PPFIBP2: variants seen among roughly 807,000 people sequenced by gnomAD.
PPFIBP2 encodes the protein PPFIB scaffold protein 2, also known as liprin-beta-2.
A neutral mutation model predicts 118.3 loss-of-function variants in PPFIBP2; 118 were observed. That is an observed-to-expected ratio of 1.00 (90% CI 0.86 to 1.16). The LOEUF (loss-of-function observed/expected upper bound fraction) is 1.16. Ranked by LOEUF, PPFIBP2 falls within the 50% of genes most tolerant of loss-of-function variation. PPFIBP2 has a pLI of 0.00. For synonymous variants in PPFIBP2, 414 were observed against 397.4 expected (o/e 1.04, Z -0.50); for missense variants, 1,195 against 1,073.1 (o/e 1.11, Z -1.59).
intron 17 of PPFIBP2, among the ~76,000 whole-genome samples, chr11:7,643,626 G>A (rs117711814): frequency 0.017 from 2,525 of 152,310 alleles, 33 homozygotes; most frequent in Non-Finnish European, 0.027. Flanking sequence ...GAATTTGCTC[G>A]TGGAAAAGAA....
chr11:7,645,865 T>A (rs1852979597), intron 17 of PPFIBP2, among the ~76,000 whole-genome samples: 1 of 152,046 alleles, frequency 6.6e-6, no homozygotes, highest in Non-Finnish European at 1.5e-5. Flanking sequence ...AAAAAAGAAC[T>A]GAAATGTCCC....
chr11:7,536,162 T>C (rs1590150100), intron 1 of PPFIBP2, among the ~76,000 whole-genome samples: 1 of 152,070 alleles, frequency 6.6e-6, no homozygotes, highest in South Asian at 2.1e-4. Flanking sequence ...CCCTGGGACA[T>C]ATAGTTTCTG....
intron 2 of PPFIBP2, among the ~76,000 whole-genome samples, chr11:7,552,470 G>T (rs1853103283): frequency 6.6e-6 from 1 of 152,142 alleles, no homozygotes; most frequent in African/African-American, 2.4e-5. Flanking sequence ...TCCATTGCTG[G>T]ATTTGCCCAG....
intron 2 of PPFIBP2, among the ~76,000 whole-genome samples, chr11:7,557,675 A>G (rs1853798038): frequency 6.6e-6 from 1 of 152,064 alleles, no homozygotes; most frequent in Non-Finnish European, 1.5e-5. Context: ...AAATAATTTT[A>G]TTCAAGCTTT....
chr11:7,655,372 C>A, downstream of PPFIBP2: 1 of 1,215,334 alleles, frequency 8.2e-7, no homozygotes, highest in Non-Finnish European at 1.1e-6. Flanking sequence ...ACTTGCATGC[C>A]ATCTCTCTGA....
the PPFIBP2 span, among the ~76,000 whole-genome samples, chr11:7,664,168 TCC>T: frequency 6.6e-6 from 1 of 152,192 alleles, no homozygotes; most frequent in Non-Finnish European, 1.5e-5. Context: ...TCTTGGCTCC[TCC>T]CTTGCATGTT....
intron 2 of PPFIBP2, among the ~76,000 whole-genome samples, chr11:7,551,305 A>T (rs1852962181): frequency 6.6e-6 from 1 of 152,264 alleles, no homozygotes; most frequent in Middle Eastern, 3.4e-3. Flanking sequence ...CAAAGGGGAG[A>T]CTGAGCGAGT....
At chr11:7,647,760 C>CTA (rs1486646423) in intron 17 of PPFIBP2, among the ~76,000 whole-genome samples, 2 of 152,188 alleles carry the variant, frequency 1.3e-5, no homozygotes. Flanking sequence ...TTATTTCTGC[C>CTA]TAATAGCTAT....
the PPFIBP2 span, chr11:7,665,681 T>C: frequency 1.7e-6 from 2 of 1,177,470 alleles, no homozygotes; most frequent in African/African-American, 3.1e-5. Flanking sequence ...TCTGTACTAC[T>C]GCTCCCTGCA....
chr11:7,521,114 G>C (rs4078257), intron 1 of PPFIBP2, among the ~76,000 whole-genome samples: 97,131 of 151,840 alleles, frequency 0.64, 31,668 homozygotes, highest in African/African-American at 0.73. Context: ...CCTTAAGGTC[G>C]TTGGCTTGGT....
At chr11:7,572,874 G>T (rs761530792) in intron 3 of PPFIBP2, among the ~76,000 whole-genome samples, 1 of 152,184 alleles carries the variant, frequency 6.6e-6, no homozygotes, top group Non-Finnish European at 1.5e-5. Context: ...CCACCTCCCA[G>T]GTTCAAGCAA....
At chr11:7,545,167 G>A (rs779111458) in intron 1 of PPFIBP2, among the ~76,000 whole-genome samples, 3 of 152,242 alleles carry the variant, frequency 2.0e-5, no homozygotes, top group South Asian at 2.1e-4. Flanking sequence ...GGTGGCTCAC[G>A]CCTGTAATCC....
intron 2 of PPFIBP2, among the ~76,000 whole-genome samples, chr11:7,560,352 A>G (rs1854157679): frequency 6.6e-6 from 1 of 152,262 alleles, no homozygotes; most frequent in Admixed American, 6.5e-5. Context: ...GTTTAAAACA[A>G]ATTGTTATAA....
intron 2 of PPFIBP2, among the ~76,000 whole-genome samples, chr11:7,555,354 C>G (rs949116704): frequency 1.3e-5 from 2 of 152,204 alleles, no homozygotes; most frequent in African/African-American, 4.8e-5. Context: ...TCTGCCAACT[C>G]TGATTAGCGT....
intron 17 of PPFIBP2, 124 bp downstream of exon 17, chr11:7,642,550 C>T (rs1458998953): frequency 5.7e-6 from 6 of 1,045,702 alleles, no homozygotes; most frequent in East Asian, 2.7e-5. Context: ...TTCTCTTCCC[C>T]AGTCAAGCAG....
At chr11:7,543,316 A>G (rs538370365) in intron 1 of PPFIBP2, among the ~76,000 whole-genome samples, 7 of 152,354 alleles carry the variant, frequency 4.6e-5, no homozygotes, top group African/African-American at 1.2e-4. Flanking sequence ...AAAGACTCCA[A>G]TTTCTTGTAA....
chr11:7,517,744 T>G (rs1225088745), intron 1 of PPFIBP2, among the ~76,000 whole-genome samples: 1 of 152,162 alleles, frequency 6.6e-6, no homozygotes, highest in Non-Finnish European at 1.5e-5. Flanking sequence ...CCATGTTGAT[T>G]AAAACCATCA....
intron 2 of PPFIBP2, among the ~76,000 whole-genome samples, chr11:7,549,931 G>A (rs146545467): frequency 4.6e-5 from 7 of 152,276 alleles, no homozygotes; most frequent in East Asian, 1.9e-4. Context: ...AGGTGTCAGC[G>A]TCCTCAGATG....
rs1327204947 is a variant in PPFIBP2 at position 7,548,881 on chromosome 11, C to T, written c.-36-559C>T. On this transcript the variant is annotated intron_variant, in intron 1 of 23. Transcript: ENST00000299492. ...CCTTGTGGCCTGTAGACTTCCTAGG[C>T]AGTGCACCCTTTCCCAATTGGAGGA... is the stretch of plus-strand genomic sequence containing the variant. Among the ~76,000 whole-genome samples, 6 of 152,284 alleles carry T rather than the reference C, an allele frequency of 3.9e-5. 1 individual carries two copies.
Sources: gnomAD v4.1 joint callset for allele counts (sites outside exome capture counted in the v4.1 genomes callset) on GRCh38, gnomAD v4.1.1 for gene constraint, MANE v1.5 for transcripts, NCBI Gene and HGNC (gene_info 2026-07-23, HGNC 2026-07-21) for gene names.